The following HSD17B10 variants were observed in gnomAD, a reference collection of about 807,000 sequenced individuals.
HSD17B10 encodes 3-hydroxyacyl-CoA dehydrogenase type-2.
For synonymous variants in HSD17B10, 90 were observed against 85.9 expected (o/e 1.05, Z -0.26); for missense variants, 87 against 219.4 (o/e 0.40, Z 3.81).
chrX:53,434,171 CTTTCACCTCTTGA>C (rs1556895008), intron 1 of HSD17B10, 135 bp downstream of exon 1: 12 of 661,245 alleles, frequency 1.8e-5, no homozygotes, highest in Non-Finnish European at 2.7e-5. Context: ...GGAGTGCTGA[CTTTCACCTCTTGA>C]GCCCAACGGC....
intron 2 of HSD17B10, chrX:53,432,626 G>A (rs2075829677): frequency 2.3e-6 from 1 of 426,341 alleles, no homozygotes. Flanking sequence ...GAGGCTGGTG[G>A]ATCACTTAAG....
Position 53,432,127 on chromosome X carries a change from G to C in HSD17B10, c.358-11C>G, listed in dbSNP as rs1249861437. 8.3e-7 allele frequency: 1 copy of C among 1,211,658 alleles called. No individual in the cohort carries two copies. Among genetic ancestry groups the C allele is most frequent in the South Asian group, 1.8e-5 (1 of 56,984 alleles). ...GCCCATGAGATTCACCTGTAGGACA[G>C]ATGGAGACATGCTATAGGACCTGAG... On this transcript the variant is annotated splice_polypyrimidine_tract_variant and intron_variant, in intron 3 of 5. Coordinates refer to ENST00000168216, the MANE Select transcript of HSD17B10 (RefSeq NM_004493.3).
chrX:53,434,085 C>A (rs2075835591), intron 1 of HSD17B10, 199 bp from the exon 2 acceptor site: 1 of 555,744 alleles, frequency 1.8e-6, no homozygotes, highest in Non-Finnish European at 3.0e-6. Context: ...CCAGACAGCC[C>A]GTCCCGTGAC....
At chrX:53,432,475 G>A in intron 2 of HSD17B10, 64 bp from the exon 3 acceptor site, 2 of 978,000 alleles carry the variant, frequency 2.0e-6, no homozygotes. Flanking sequence ...CTAAACCTGA[G>A]GGAGGGCAGG....
At chrX:53,433,609 T>C in intron 2 of HSD17B10, 113 bp downstream of exon 2, 1 of 689,595 alleles carries the variant, frequency 1.5e-6, no homozygotes, top group Admixed American at 2.6e-5. Context: ...GACAAGGAGA[T>C]GGGTCTACCG....
rs1267133691 is a variant in HSD17B10 at position 53,434,362 on chromosome X, C to G, written c.-17G>C. 2.6e-6 allele frequency: 3 copies of G among 1,166,574 alleles called. No individual in the cohort carries two copies. Among genetic ancestry groups the G allele is most frequent in the Non-Finnish European group, 3.4e-6 (3 of 872,732 alleles). ...TGCTGCCATCTTGTCGCCGGCCACT[C>G]CACGGGATGGGGATGGGGGCGCGGG... On this transcript the variant is annotated 5_prime_UTR_variant, in exon 1 of 6. Transcript: ENST00000168216.
chrX:53,434,293 A>G (rs370106783), intron 1 of HSD17B10, 26 bp downstream of exon 1: 1 of 1,166,115 alleles, frequency 8.6e-7, no homozygotes, highest in African/African-American at 1.8e-5. Context: ...AAGGAAGGCA[A>G]GCAACAGAGG....
chrX:53,432,201 G>T, intron 3 of HSD17B10, 46 bp downstream of exon 3: 1 of 1,207,385 alleles, frequency 8.3e-7, no homozygotes, highest in Non-Finnish European at 1.1e-6. Flanking sequence ...TCCACAGCCA[G>T]ATACTTCTTA....
intron 2 of HSD17B10, 73 bp from the exon 3 acceptor site, chrX:53,432,484 G>T: frequency 1.1e-5 from 10 of 897,508 alleles, no homozygotes; most frequent in Non-Finnish European, 1.5e-5. Context: ...AGGGAGGGCA[G>T]GGCAGGGCAT....
chrX:53,434,076 C>A, intron 1 of HSD17B10, 190 bp from the exon 2 acceptor site: 1 of 566,546 alleles, frequency 1.8e-6, no homozygotes. Context: ...ATCTCATCCC[C>A]AGACAGCCCG....
intron 1 of HSD17B10, 49 bp from the exon 2 acceptor site, chrX:53,433,935 T>C (rs782057800): frequency 2.6e-6 from 3 of 1,159,163 alleles, no homozygotes; most frequent in Admixed American, 2.2e-5. Context: ...GCCCAGACCA[T>C]CCCCACGCTG....
At chrX:53,434,196 A>G in intron 1 of HSD17B10, 123 bp downstream of exon 1, 3 of 852,728 alleles carry the variant, frequency 3.5e-6, no homozygotes, top group Non-Finnish European at 5.1e-6. Flanking sequence ...CCCAACGGCC[A>G]CAATACCAGG....
chrX:53,431,398 C>G lies in HSD17B10; in HGVS notation c.*6G>C. The G allele has an allele frequency of 8.3e-7, 1 of 1,205,548 alleles. No homozygotes were observed. Among genetic ancestry groups the G allele is most frequent in the Non-Finnish European group, 1.1e-6 (1 of 889,952 alleles). On this transcript the variant is annotated 3_prime_UTR_variant, in exon 6 of 6. Transcript: ENST00000168216. ...GAGGAGCGTGTGTTTTCTCTGCCTT[C>G]TCCCTTCAAGGCTGCATACGAATGG...
Position 53,433,783 on chromosome X carries a change from T to C in HSD17B10, c.131A>G (p.Asn44Ser), listed in dbSNP as rs781906672. ...GASAVLLDLP[N>S]SGGEAQAKKL... is the part of the protein sequence containing the mutation. ...CTTGGCTTGGGCCTCCCCACCCGAGTTGGGCAGGTCCAGAAGCACAGCAGA... is the reference window on the plus strand; with the variant it reads ...CTTGGCTTGGGCCTCCCCACCCGAGCTGGGCAGGTCCAGAAGCACAGCAGA... The change falls in exon 2 of 6, where the codon AAC becomes AGC. Residue 44 changes from asparagine to serine, a missense_variant. Coordinates refer to ENST00000168216, the MANE Select transcript of HSD17B10 (RefSeq NM_004493.3). 3 of 1,209,207 alleles carry C rather than the reference T, an allele frequency of 2.5e-6. No individual in the cohort carries two copies. Among genetic ancestry groups the C allele is most frequent in the Non-Finnish European group, 3.4e-6 (3 of 894,373 alleles).
rs1370750298 is a variant in HSD17B10, at chrX:53,431,481, C to T, written c.709G>A (p.Val237Ile). ...AATGGGTTCTCGATGATGGCCTGTA[C>T]GAGGTGAGCATACTCAGCAGGGTCA... The part of the protein sequence containing the change: ...LGDPAEYAHL[V>I]QAIIENPFLN... Residue 237 changes from valine (V) to isoleucine (I), a missense_variant, in exon 6 of 6, where the codon GTA becomes ATA. Physicochemically the swap from Val to Ile is conservative, Grantham distance 29. Coordinates refer to ENST00000168216, the MANE Select transcript of HSD17B10 (RefSeq NM_004493.3). The T allele has an allele frequency of 1.7e-6, 2 of 1,208,554 alleles. No individual in the cohort carries two copies. The highest frequency in any genetic ancestry group is 2.2e-6 in the Non-Finnish European group (2 of 894,151).
chrX:53,433,970 TGAG>T lies in HSD17B10; in HGVS notation c.28-87_28-85del, dbSNP rs1446032711. ...GTCGCCTGCCTGTTCTCCAGGCTTCTGAGGAGAAGGGGGGAGGGGAGAGGTCGT... is the reference window on the plus strand; with the variant it reads ...GTCGCCTGCCTGTTCTCCAGGCTTCTGAGAAGGGGGGAGGGGAGAGGTCGT... On this transcript the variant is annotated intron_variant, in intron 1 of 5. Coordinates refer to ENST00000168216, the MANE Select transcript of HSD17B10 (RefSeq NM_004493.3). 6.1e-5 allele frequency: 64 copies of T among 1,041,655 alleles called. 1 individual carries two copies. The highest frequency in any genetic ancestry group is 7.5e-5 in the Non-Finnish European group (57 of 756,964). 85.8% of individuals were successfully genotyped at this position (1,041,655 alleles called of 1,213,427 possible).
intron 2 of HSD17B10, chrX:53,432,928 A>G (rs184517386): frequency 6.1e-4 from 98 of 160,546 alleles, no homozygotes; most frequent in African/African-American, 2.8e-3. Flanking sequence ...TTTCAAATCA[A>G]TACCTTCTTG....
In HSD17B10 at chrX:53,432,364, T is replaced by G; in HGVS notation, c.240A>C (p.Gly80=). Residue 80 remains glycine, a synonymous_variant, in exon 3 of 6, where the codon GGA becomes GGC. Coordinates refer to ENST00000168216, the MANE Select transcript of HSD17B10 (RefSeq NM_004493.3). ...CAGCTACATCCACACGGCCAAACTT[T>G]CCTTTTGCTAGAGCCAGAGCTGTTT... The part of the protein sequence containing the change: ...DVQTALALAK[G]KFGRVDVAVN... The G allele has an allele frequency of 8.3e-7, 1 of 1,210,535 alleles. No individual in the cohort carries two copies. Among genetic ancestry groups the G allele is most frequent in the African/African-American group, 1.7e-5 (1 of 57,729 alleles).
intron 1 of HSD17B10, 28 bp downstream of exon 1, chrX:53,434,291 C>G: frequency 8.6e-7 from 1 of 1,165,423 alleles, no homozygotes; most frequent in Non-Finnish European, 1.1e-6. Context: ...TAAAGGAAGG[C>G]AAGCAACAGA....
Sources: allele counts gnomAD v4.1 joint callset, GRCh38; gene constraint gnomAD v4.1.1; transcripts MANE v1.5; gene names NCBI Gene and HGNC (gene_info 2026-07-23, HGNC 2026-07-21).